Variants in GALNT14 observed in about 807,000 individuals in gnomAD.
GALNT14 encodes the protein UDP-GalNAc:polypeptide N-acetylgalactosaminyltransferase 14.
Under a neutral mutation model 77.5 loss-of-function variants are expected in GALNT14, and 60 were observed. That is an observed-to-expected ratio of 0.77 (90% CI 0.63 to 0.96). The LOEUF is 0.96. Among genes scored for constraint, GALNT14 ranks in the 40% least tolerant of loss-of-function variants. GALNT14 has a pLI of 0.00. For missense variants in GALNT14, 710 were observed against 731.0 expected (o/e 0.97, Z 0.33); for synonymous variants, 280 against 281.7 (o/e 0.99, Z 0.06).
chr2:31,135,950 G>C (rs1356138402), intron 1 of GALNT14, among the ~76,000 whole-genome samples: 2 of 152,132 alleles, frequency 1.3e-5, no homozygotes, highest in Non-Finnish European at 2.9e-5. Context: ...GAAAGAAACA[G>C]GTCTCTTGTC....
At chr2:30,991,159 T>C (rs1469299432) in intron 2 of GALNT14, 1 of 151,864 alleles carries the variant, frequency 6.6e-6, no homozygotes, top group Non-Finnish European at 1.5e-5. Flanking sequence ...TGTTGCCTTC[T>C]TTCTGCAGGT....
the GALNT14 span, among the ~76,000 whole-genome samples, chr2:30,903,645 G>A: frequency 6.6e-6 from 1 of 152,188 alleles, no homozygotes; most frequent in Non-Finnish European, 1.5e-5. Context: ...CTGTGACCCT[G>A]GCCAACGCTT....
At chr2:30,908,579 A>G (rs1232494236), downstream of GALNT14, among the ~76,000 whole-genome samples, 1 of 145,534 alleles carries the variant, frequency 6.9e-6, no homozygotes. Context: ...AAATGGAAGA[A>G]CATTCCATGC....
Position 30,910,759 on chromosome 2 carries a change from G to T in GALNT14, c.*142C>A. ...TTCCTCTGTCCTCCCTGAGACAGTT[G>T]CTCCTGTCCTGGGGGGCTCTGCCTC... On this transcript the variant is annotated 3_prime_UTR_variant, in exon 15 of 15. Transcript: ENST00000349752. 2.5e-6 allele frequency: 2 copies of T among 787,082 alleles called. No individual in the cohort carries two copies. The highest frequency in any genetic ancestry group is 1.7e-5 in the African/African-American group (1 of 57,378). 48.8% of individuals were successfully genotyped at this position (787,082 alleles called of 1,614,324 possible). A position where few individuals can be genotyped will look rare whatever the true frequency, so the allele number is the denominator to read the frequency against.
intron 1 of GALNT14, among the ~76,000 whole-genome samples, chr2:31,048,982 C>A (rs529573953): frequency 3.3e-5 from 5 of 152,304 alleles, no homozygotes; most frequent in Admixed American, 3.3e-4. Context: ...TGTTCCTTTC[C>A]CCTTGTCCTG....
At chr2:31,051,388 C>T (rs985174210) in intron 1 of GALNT14, among the ~76,000 whole-genome samples, 4 of 152,190 alleles carry the variant, frequency 2.6e-5, no homozygotes, top group Non-Finnish European at 1.5e-5. Flanking sequence ...GGGCCTCACC[C>T]AATCAGTTAA....
At chr2:30,954,985 G>A (rs1402720735) in intron 6 of GALNT14, among the ~76,000 whole-genome samples, 1 of 152,216 alleles carries the variant, frequency 6.6e-6, no homozygotes, top group African/African-American at 2.4e-5. Flanking sequence ...CACACATTCT[G>A]TAGATCAGTA....
intron 1 of GALNT14, among the ~76,000 whole-genome samples, chr2:31,136,519 G>C (rs904987260): frequency 9.9e-5 from 15 of 152,132 alleles, no homozygotes; most frequent in Admixed American, 9.8e-4. Flanking sequence ...CTGGTCCAAT[G>C]ATGAGTGAAC....
At chr2:30,925,439 G>C (rs1572976386) in intron 11 of GALNT14, among the ~76,000 whole-genome samples, 1 of 152,222 alleles carries the variant, frequency 6.6e-6, no homozygotes, top group African/African-American at 2.4e-5. Context: ...GAACAACTCA[G>C]AGGGGGACCC....
intron 12 of GALNT14, among the ~76,000 whole-genome samples, chr2:30,924,496 G>A (rs1194793476): frequency 6.6e-6 from 1 of 152,216 alleles, no homozygotes; most frequent in African/African-American, 2.4e-5. Flanking sequence ...GAGTCTGTAA[G>A]TCAGGGCTCA....
intron 13 of GALNT14, among the ~76,000 whole-genome samples, chr2:30,920,026 T>C (rs183927592): frequency 9.2e-5 from 14 of 152,314 alleles, no homozygotes; most frequent in African/African-American, 3.1e-4. Flanking sequence ...CACTCTCCCC[T>C]GTCAAGGTGG....
At chr2:30,902,652 G>T in the GALNT14 span, among the ~76,000 whole-genome samples, 1 of 152,116 alleles carries the variant, frequency 6.6e-6, no homozygotes, top group South Asian at 2.1e-4. Context: ...TATAAGGGTA[G>T]GAAAACATAA....
intron 2 of GALNT14, among the ~76,000 whole-genome samples, chr2:30,976,595 G>GTGTGCA (rs1302578905): frequency 2.0e-5 from 3 of 149,574 alleles, no homozygotes; most frequent in African/African-American, 7.5e-5. Context: ...CGGCAGCTGT[G>GTGTGCA]TGTGCATGTG....
intron 1 of GALNT14, among the ~76,000 whole-genome samples, chr2:31,135,805 G>A (rs1679206013): frequency 6.6e-6 from 1 of 152,182 alleles, no homozygotes. Flanking sequence ...AAAGGACAGG[G>A]ACACAGCGTG....
chr2:30,911,435 T>C (rs894871401), intron 14 of GALNT14, among the ~76,000 whole-genome samples: 2 of 152,038 alleles, frequency 1.3e-5, no homozygotes, highest in Non-Finnish European at 2.9e-5. Flanking sequence ...GCGAGTGTGA[T>C]GGCAGGAGGG....
chr2:31,118,180 T>A (rs1281895157), intron 1 of GALNT14, among the ~76,000 whole-genome samples: 1 of 152,226 alleles, frequency 6.6e-6, no homozygotes, highest in Admixed American at 6.5e-5. Context: ...TAGAACTAGA[T>A]AATTTCACAG....
At chr2:31,053,877 G>A (rs1341884820) in intron 1 of GALNT14, among the ~76,000 whole-genome samples, 1 of 152,150 alleles carries the variant, frequency 6.6e-6, no homozygotes, top group Non-Finnish European at 1.5e-5. Context: ...GTCTGATCAA[G>A]GCTGGTAAGA....
In GALNT14 at chr2:30,910,937, T is replaced by G; in HGVS notation, c.1623A>C (p.Ser541=). 1 of 1,613,788 alleles carries G rather than the reference T, an allele frequency of 6.2e-7. No individual in the cohort carries two copies. Among genetic ancestry groups the G allele is most frequent in the Admixed American group, 1.7e-5 (1 of 59,986 alleles). The stretch of plus-strand genomic sequence containing the variant: ...CCATGTCCCAGTGCTGGCTCATGAG[T>G]GAGGACTCACATGGGTTGACGACGA... The part of the protein sequence containing the change: ...KEIVVNPCES[S]LMSQHWDMVS... The change falls in exon 15 of 15, where the codon TCA becomes TCC. Residue 541 remains serine, a synonymous_variant. Coordinates refer to ENST00000349752, the MANE Select transcript of GALNT14 (RefSeq NM_024572.4).
intron 2 of GALNT14, among the ~76,000 whole-genome samples, chr2:30,986,755 C>G (rs531422649): frequency 1.3e-5 from 2 of 152,330 alleles, no homozygotes; most frequent in South Asian, 4.1e-4. Flanking sequence ...TTATTTAAAA[C>G]ACATCACCTA....
Sources: allele counts gnomAD v4.1 joint callset (sites outside exome capture counted in the v4.1 genomes callset), GRCh38; gene constraint gnomAD v4.1.1; transcripts MANE v1.5; gene names NCBI Gene and HGNC (gene_info 2026-07-23, HGNC 2026-07-21).